Variants in SUSD5 observed in about 807,000 individuals in gnomAD.
The protein encoded by SUSD5 is sushi domain containing 5, also known as sushi domain-containing protein 5.
A neutral mutation model predicts 29.5 loss-of-function variants in SUSD5; 33 were observed. The observed-to-expected ratio is 1.12, with a 90% confidence interval of 0.85 to 1.49. SUSD5 has a LOEUF of 1.49. SUSD5 is among the 40% of genes most tolerant of loss of function. The probability of loss-of-function intolerance (pLI) is 0.00; values close to 1 mark genes in which losing one functional copy is unlikely to be tolerated. For synonymous variants in SUSD5, 308 were observed against 325.3 expected (o/e 0.95, Z 0.57); for missense variants, 776 against 800.6 (o/e 0.97, Z 0.37).
chr3:33,189,478 CAAAAAAAAAAA>C (rs71630568), intron 3 of SUSD5, among the ~76,000 whole-genome samples: 1 of 91,620 alleles, frequency 1.1e-5, no homozygotes, highest in Non-Finnish European at 2.0e-5. Context: ...CTCTCCTTCT[CAAAAAAAAAAA>C]AAAAAAAAAA....
In SUSD5 at chr3:33,214,028, T is replaced by G; in HGVS notation, c.190A>C (p.Arg64=). The change falls in exon 2 of 5, where the codon AGG becomes CGG. Residue 64 remains arginine, a synonymous_variant. Coordinates refer to ENST00000309558, the MANE Select transcript of SUSD5 (RefSeq NM_015551.2). ...LEAARLSCKS[R]GAHLASADEL... ...TCTGCAGATGCCAGGTGAGCGCCCCTGCTCTTGCAGGAAAGCCGAGCAGCC... is the reference window on the plus strand; with the variant it reads ...TCTGCAGATGCCAGGTGAGCGCCCCGGCTCTTGCAGGAAAGCCGAGCAGCC... 13 of 1,613,734 alleles carry G rather than the reference T, an allele frequency of 8.1e-6. No homozygotes were observed. Among genetic ancestry groups the G allele is most frequent in the Non-Finnish European group, 1.1e-5 (13 of 1,179,790 alleles).
At position 33,152,419 on chromosome 3, in the gene SUSD5, CA is replaced by C. The variant is rs370617432; in HGVS notation, c.*322del. 0.023 allele frequency: 4,902 copies of C among 217,274 alleles called. No homozygotes were observed. The highest frequency in any genetic ancestry group is 0.039 in the South Asian group (417 of 10,760). 13.5% of individuals were successfully genotyped at this position (217,274 alleles called of 1,614,324 possible). On this transcript the variant is annotated 3_prime_UTR_variant, in exon 5 of 5. Coordinates refer to ENST00000309558, the MANE Select transcript of SUSD5 (RefSeq NM_015551.2). The stretch of plus-strand genomic sequence containing the variant: ...TGGGCAACAGCATGAGACTCTGTCT[CA>C]AAAAAAAAAAGATAATACTGTGATG...
intron 3 of SUSD5, among the ~76,000 whole-genome samples, chr3:33,201,879 C>A (rs2032123607): frequency 6.6e-6 from 1 of 152,160 alleles, no homozygotes; most frequent in African/African-American, 2.4e-5. Context: ...TCCTCTCTTC[C>A]CCACCTATTA....
At position 33,194,194 on chromosome 3, in the gene SUSD5, C is replaced by T. The variant is rs143499516; in HGVS notation, c.409+13614G>A. On this transcript the variant is annotated intron_variant, in intron 3 of 4. Coordinates refer to ENST00000309558, the MANE Select transcript of SUSD5 (RefSeq NM_015551.2). Reference sequence around the variant, plus strand: ...CAACTCCCTAGGATTCCATCCCTGACCCAATCAACTCGCACTTCTCATTCT... The same window carrying T: ...CAACTCCCTAGGATTCCATCCCTGATCCAATCAACTCGCACTTCTCATTCT... 3.6e-3 allele frequency among the ~76,000 whole-genome samples: 555 copies of T among 152,278 alleles called. 2 individuals are homozygous for T. Among genetic ancestry groups the T allele is most frequent in the Middle Eastern group, 6.8e-3 (2 of 294 alleles).
intron 3 of SUSD5, among the ~76,000 whole-genome samples, chr3:33,199,971 T>C (rs1034838821): frequency 4.6e-5 from 7 of 152,222 alleles, no homozygotes; most frequent in African/African-American, 1.7e-4. Context: ...TCTTGCTAGA[T>C]GCTGGCACCT....
At chr3:33,203,656 A>G (rs1399762824) in intron 3 of SUSD5, among the ~76,000 whole-genome samples, 2 of 152,178 alleles carry the variant, frequency 1.3e-5, no homozygotes, top group Admixed American at 1.3e-4. Context: ...CAGCTCACGC[A>G]TGGGCATGAG....
In SUSD5 at chr3:33,175,019, G is replaced by A. The variant is rs376717049; in HGVS notation, c.465C>T (p.Thr155=). 26 of 1,613,928 alleles carry A rather than the reference G, an allele frequency of 1.6e-5. No individual in the cohort carries two copies. The African/African-American group carries it at 1.7e-4, about 11-fold the overall frequency. ...SFPHTILQGR[T]GLEMGDELLY... ...GCAGTTCATCCCCCATTTCCAAGCC[G>A]GTGCGGCCCTGCAGGATGGTGTGTG... Residue 155 remains threonine, a synonymous_variant, in exon 4 of 5, where the codon ACC becomes ACT. Transcript: ENST00000309558.
At chr3:33,165,287 C>T (rs1411018066) in intron 4 of SUSD5, among the ~76,000 whole-genome samples, 3 of 152,120 alleles carry the variant, frequency 2.0e-5, no homozygotes, top group African/African-American at 4.8e-5. Flanking sequence ...TATGCTTCCA[C>T]TTAAATAAAA....
In SUSD5 at chr3:33,153,235, G is replaced by A. The variant is rs377664152; in HGVS notation, c.1397C>T (p.Thr466Met). The A allele has an allele frequency of 4.3e-5, 69 of 1,613,770 alleles. No homozygotes were observed. The highest frequency in any genetic ancestry group is 3.9e-4 in the African/African-American group (29 of 74,970). The change falls in exon 5 of 5, where the codon ACG (threonine) becomes ATG (methionine). Residue 466 changes from threonine to methionine, a missense_variant. Physicochemically the swap from Thr to Met is moderately conservative, Grantham distance 81 (BLOSUM62 -1). Transcript: ENST00000309558. The stretch of plus-strand genomic sequence containing the variant: ...CCAGGGTAGAGTTGACTGGTACTTC[G>A]TCAAGTCACCATCCCCAATGCCCTC... ...ETEGIGDGDLTKYQSTLPWRF... is the reference protein window; with the variant it reads ...ETEGIGDGDLMKYQSTLPWRF...
At chr3:33,186,317 GAAGA>G (rs2031778051) in intron 3 of SUSD5, among the ~76,000 whole-genome samples, 1 of 151,726 alleles carries the variant, frequency 6.6e-6, no homozygotes. Context: ...AAAAAAAAAA[GAAGA>G]TAGACTGAGA....
At chr3:33,207,538 C>A (rs2032244493) in intron 3 of SUSD5, among the ~76,000 whole-genome samples, 1 of 152,234 alleles carries the variant, frequency 6.6e-6, no homozygotes, top group African/African-American at 2.4e-5. Context: ...CATACATACA[C>A]TATCTCCAGG....
At chr3:33,176,800 C>T (rs1208439112) in intron 3 of SUSD5, among the ~76,000 whole-genome samples, 2 of 152,138 alleles carry the variant, frequency 1.3e-5, no homozygotes, top group Admixed American at 6.5e-5. Flanking sequence ...TCTAGGTAAT[C>T]GTTTTTGCAT....
intron 4 of SUSD5, 84 bp from the exon 5 acceptor site, chr3:33,154,117 A>G: frequency 8.8e-7 from 1 of 1,135,768 alleles, no homozygotes; most frequent in Non-Finnish European, 1.2e-6. Flanking sequence ...TTAAAAGCAT[A>G]AAGGCTGGGA....
chr3:33,172,013 A>G (rs1177674063), intron 4 of SUSD5, among the ~76,000 whole-genome samples: 1 of 152,172 alleles, frequency 6.6e-6, no homozygotes, highest in Non-Finnish European at 1.5e-5. Context: ...CTGCCAAATG[A>G]TGGGATGTGG....
At chr3:33,205,373 T>G (rs770804651) in intron 3 of SUSD5, among the ~76,000 whole-genome samples, 3 of 152,050 alleles carry the variant, frequency 2.0e-5, no homozygotes, top group Non-Finnish European at 4.4e-5. Flanking sequence ...TTAAAAAGAG[T>G]AGGATGTTCT....
chr3:33,210,217 T>A (rs76170753), intron 2 of SUSD5, among the ~76,000 whole-genome samples: 3,372 of 152,276 alleles, frequency 0.022, 68 homozygotes, highest in East Asian at 0.079. Context: ...AAATTCAGGG[T>A]CATCTCAATC....
chr3:33,213,301 G>C (rs2125634187), intron 2 of SUSD5, among the ~76,000 whole-genome samples: 1 of 152,254 alleles, frequency 6.6e-6, no homozygotes, highest in African/African-American at 2.4e-5. Flanking sequence ...AGCTATAGGA[G>C]GCTGAGGCAG....
At chr3:33,194,707 GGAA>G (rs2031962570) in intron 3 of SUSD5, among the ~76,000 whole-genome samples, 1 of 152,126 alleles carries the variant, frequency 6.6e-6, no homozygotes, top group Admixed American at 6.6e-5. Context: ...GGCAGTAGAT[GGAA>G]GAATGAATGA....
At chr3:33,154,293 C>CTCCCAA (rs1296314792) in intron 4 of SUSD5, among the ~76,000 whole-genome samples, 4 of 152,146 alleles carry the variant, frequency 2.6e-5, no homozygotes, top group African/African-American at 9.7e-5. Flanking sequence ...GAGGCCTAGG[C>CTCCCAA]AGGTGGATCA....
Sources: allele counts gnomAD v4.1 joint callset (sites outside exome capture counted in the v4.1 genomes callset), GRCh38; gene constraint gnomAD v4.1.1; transcripts MANE v1.5; gene names NCBI Gene and HGNC (gene_info 2026-07-23, HGNC 2026-07-21).